The following FTO variants were observed in gnomAD, a reference collection of about 807,000 sequenced individuals.
FTO encodes FTO alpha-ketoglutarate dependent dioxygenase, also known as alpha-ketoglutarate-dependent dioxygenase FTO.
Under a neutral mutation model 63.9 loss-of-function variants are expected in FTO, and 47 were observed. That is an observed-to-expected ratio of 0.74 (90% CI 0.58 to 0.94). The LOEUF is 0.94. Ranked by LOEUF, FTO falls within the 40% of genes least tolerant of loss-of-function variation. The pLI is 0.00. For missense variants in FTO, 562 were observed against 618.1 expected (o/e 0.91, Z 0.96); for synonymous variants, 207 against 224.4 (o/e 0.92, Z 0.69).
At chr16:54,008,718 A>C (rs1157135626) in intron 8 of FTO, among the ~76,000 whole-genome samples, 2 of 151,626 alleles carry the variant, frequency 1.3e-5, no homozygotes, top group Admixed American at 1.3e-4. Flanking sequence ...TCCGGCATCC[A>C]CACAGGTATC....
At chr16:53,979,117 T>C (rs2083487763) in intron 8 of FTO, among the ~76,000 whole-genome samples, 1 of 152,252 alleles carries the variant, frequency 6.6e-6, no homozygotes, top group African/African-American at 2.4e-5. Flanking sequence ...TATTATTACA[T>C]ACATCACTGA....
At chr16:53,893,882 A>G (rs757226545) in intron 7 of FTO, among the ~76,000 whole-genome samples, 1 of 152,198 alleles carries the variant, frequency 6.6e-6, no homozygotes, top group African/African-American at 2.4e-5. Context: ...CTGTTATAGC[A>G]ATGCATTTAT....
At chr16:53,845,559 C>A (rs1288292043) in intron 4 of FTO, among the ~76,000 whole-genome samples, 4 of 152,178 alleles carry the variant, frequency 2.6e-5, no homozygotes, top group Admixed American at 2.6e-4. Context: ...TAATCTTTCA[C>A]TGAATTGAAT....
intron 8 of FTO, among the ~76,000 whole-genome samples, chr16:54,101,909 A>T (rs978699350): frequency 6.6e-6 from 1 of 152,160 alleles, no homozygotes; most frequent in African/African-American, 2.4e-5. Context: ...TTTCTCTAAT[A>T]ATCAGGGCTA....
chr16:53,839,098 A>T (rs1465291186), intron 3 of FTO, among the ~76,000 whole-genome samples: 2 of 152,198 alleles, frequency 1.3e-5, no homozygotes, highest in African/African-American at 4.8e-5. Flanking sequence ...TTTTTCTCAA[A>T]AACTAGCTGG....
chr16:53,770,903 T>C (rs570782005), intron 1 of FTO, among the ~76,000 whole-genome samples: 2 of 152,260 alleles, frequency 1.3e-5, no homozygotes, highest in South Asian at 4.1e-4. Flanking sequence ...GAATGGGTGT[T>C]TGCGAGACGT....
At chr16:53,773,885 C>G (rs1231377504) in intron 1 of FTO, among the ~76,000 whole-genome samples, 1 of 152,128 alleles carries the variant, frequency 6.6e-6, no homozygotes, top group Non-Finnish European at 1.5e-5. Context: ...ACACTTGTTA[C>G]TCAGAACTGT....
At chr16:53,876,756 G>A (rs987028402) in intron 5 of FTO, among the ~76,000 whole-genome samples, 31 of 152,056 alleles carry the variant, frequency 2.0e-4, no homozygotes, top group African/African-American at 5.8e-4. Context: ...GTAAAACCCC[G>A]TCTTTACTAA....
At chr16:53,950,403 G>C (rs2082764635) in intron 8 of FTO, among the ~76,000 whole-genome samples, 2 of 152,090 alleles carry the variant, frequency 1.3e-5, no homozygotes, top group South Asian at 4.1e-4. Context: ...TTCTTCTAAA[G>C]ATCAAATGAG....
At chr16:53,862,227 G>A (rs1429437726) in intron 4 of FTO, among the ~76,000 whole-genome samples, 2 of 152,020 alleles carry the variant, frequency 1.3e-5, no homozygotes, top group African/African-American at 2.4e-5. Flanking sequence ...CAGCCTGGGC[G>A]ATTAGTGAGA....
chr16:54,063,953 T>TA (rs1259952368), intron 8 of FTO: 1 of 150,780 alleles, frequency 6.6e-6, no homozygotes, highest in Non-Finnish European at 1.5e-5. Flanking sequence ...GTAATATTTT[T>TA]AAAAAACAAG....
intron 4 of FTO, among the ~76,000 whole-genome samples, chr16:53,852,047 G>A (rs921377135): frequency 7.0e-6 from 1 of 143,796 alleles, no homozygotes; most frequent in Admixed American, 7.4e-5. Flanking sequence ...CTGGAGCCCG[G>A]AAGTTTGAGT....
chr16:53,870,212 AAAAT>A (rs533024028), intron 4 of FTO, among the ~76,000 whole-genome samples: 15 of 152,022 alleles, frequency 9.9e-5, no homozygotes, highest in Non-Finnish European at 1.3e-4. Context: ...GTCTCCTGAG[AAAAT>A]AAATAAATAA....
rs542910626 is a variant in FTO, at chr16:53,980,260, T to C, written c.1364+46151T>C. 4.6e-5 allele frequency among the ~76,000 whole-genome samples: 7 copies of C among 152,300 alleles called. No individual in the cohort carries two copies. The South Asian group carries it at 1.4e-3, about 32-fold the overall frequency. On this transcript the variant is annotated intron_variant, in intron 8 of 8. Coordinates refer to ENST00000471389, the MANE Select transcript of FTO (RefSeq NM_001080432.3). Reference sequence around the variant, plus strand: ...TAGCTTGATGCTATTGGGCTCCTTTTACCGAACAATTGTGAAATTAGTAAC... The same window carrying C: ...TAGCTTGATGCTATTGGGCTCCTTTCACCGAACAATTGTGAAATTAGTAAC...
At position 53,812,298 on chromosome 16, in the gene FTO, T is replaced by C. The variant is rs2078554012; in HGVS notation, c.123+2081T>C. On this transcript the variant is annotated intron_variant, in intron 2 of 8. Transcript: ENST00000471389. Reference sequence around the variant, plus strand: ...TTTTTTTTTTTTTTGAGATAGAGTCTAGCTGTGTTGTGTGCAGGCTGGAGT... The same window carrying C: ...TTTTTTTTTTTTTTGAGATAGAGTCCAGCTGTGTTGTGTGCAGGCTGGAGT... Among the ~76,000 whole-genome samples, 5 of 151,692 alleles carry C rather than the reference T, an allele frequency of 3.3e-5. No individual in the cohort carries two copies. In the South Asian group the frequency reaches 1.0e-3, roughly 32 times the overall value.
intron 8 of FTO, among the ~76,000 whole-genome samples, chr16:54,060,250 C>T (rs2085538301): frequency 6.6e-6 from 1 of 152,140 alleles, no homozygotes; most frequent in African/African-American, 2.4e-5. Context: ...TTTTAACTCT[C>T]CTCTTTTCAA....
At chr16:53,966,962 T>A (rs2083209934) in intron 8 of FTO, among the ~76,000 whole-genome samples, 1 of 152,122 alleles carries the variant, frequency 6.6e-6, no homozygotes, top group Non-Finnish European at 1.5e-5. Flanking sequence ...AGTGGGTGAG[T>A]CCTGCTTAAC....
chr16:54,027,908 T>C (rs2084750143), intron 8 of FTO, among the ~76,000 whole-genome samples: 1 of 152,216 alleles, frequency 6.6e-6, no homozygotes, highest in South Asian at 2.1e-4. Context: ...AAGCTCTTTA[T>C]TAAATTAAAT....
At chr16:53,982,224 T>C (rs1187284246) in intron 8 of FTO, among the ~76,000 whole-genome samples, 2 of 152,220 alleles carry the variant, frequency 1.3e-5, no homozygotes, top group African/African-American at 2.4e-5. Flanking sequence ...CTCAACCTTA[T>C]TGAGGATGAA....
Sources: gnomAD v4.1 joint callset for allele counts (sites outside exome capture counted in the v4.1 genomes callset) on GRCh38, gnomAD v4.1.1 for gene constraint, MANE v1.5 for transcripts, NCBI Gene and HGNC (gene_info 2026-07-23, HGNC 2026-07-21) for gene names.